SYT17: variants seen among roughly 807,000 people sequenced by gnomAD.
The protein encoded by SYT17 is synaptotagmin 17, also known as synaptotagmin-17.
A neutral mutation model predicts 46.7 loss-of-function variants in SYT17; 22 were observed. That is an observed-to-expected ratio of 0.47 (90% confidence interval 0.34 to 0.67). SYT17 has a LOEUF of 0.67. Ranked by LOEUF, SYT17 falls within the 30% of genes least tolerant of loss-of-function variation. The pLI, the probability that SYT17 is intolerant of heterozygous loss-of-function variation, is 0.01. For synonymous variants in SYT17, 251 were observed against 248.4 expected (o/e 1.01, Z -0.10); for missense variants, 519 against 612.8 (o/e 0.85, Z 1.62).
chr16:19,216,730 C>T (rs966528435), intron 5 of SYT17, among the ~76,000 whole-genome samples: 4 of 152,142 alleles, frequency 2.6e-5, no homozygotes, highest in Non-Finnish European at 5.9e-5. Flanking sequence ...TTTATGGCTG[C>T]ATAGTATTCC....
intron 5 of SYT17, among the ~76,000 whole-genome samples, chr16:19,200,619 C>T (rs1965423465): frequency 6.6e-6 from 1 of 152,226 alleles, no homozygotes; most frequent in Non-Finnish European, 1.5e-5. Context: ...CTTCATTTCT[C>T]TCCATTCGAG....
rs780470297 is a variant in SYT17, at chr16:19,168,708, C to T, written c.15+47C>T. The T allele has an allele frequency of 2.1e-6, 3 of 1,437,992 alleles. No homozygotes were observed. Among genetic ancestry groups the T allele is most frequent in the Non-Finnish European group, 2.7e-6 (3 of 1,091,246 alleles). 89.1% of individuals were successfully genotyped at this position (1,437,992 alleles called of 1,614,324 possible). A position where few individuals can be genotyped will look rare whatever the true frequency, so the allele number is the denominator to read the frequency against. On this transcript the variant is annotated intron_variant, in intron 1 of 7. Coordinates refer to ENST00000355377, the MANE Select transcript of SYT17 (RefSeq NM_016524.4). The surrounding 1 kb of genome is among the most constrained non-coding windows in gnomAD (Gnocchi z 6.9). ...AGGTCCGGGGTGCGGGTAGGGGGTG[C>T]CGCGCCCCCTCCGGCTGGGAGCGCG...
intron 7 of SYT17, among the ~76,000 whole-genome samples, chr16:19,253,220 G>A (rs12447810): frequency 0.1 from 15,750 of 152,098 alleles, 1,761 homozygotes; most frequent in East Asian, 0.35. Flanking sequence ...GGCCATAGGT[G>A]GCCCTCAAAG....
intron 3 of SYT17, among the ~76,000 whole-genome samples, chr16:19,179,667 C>T (rs912281186): frequency 1.1e-4 from 16 of 152,266 alleles, no homozygotes; most frequent in Non-Finnish European, 1.9e-4. Flanking sequence ...AATGGAGGTA[C>T]GGGAGGGGAA....
chr16:19,267,141 C>A lies in SYT17; in HGVS notation c.*65C>A. On this transcript the variant is annotated 3_prime_UTR_variant, in exon 8 of 8. Transcript: ENST00000355377. ...AAAAAAAAGACGGAAAAAAATGTGT[C>A]ACATACTATTACATCCACACCTGCA... The A allele has an allele frequency of 1.4e-6, 2 of 1,407,860 alleles. No individual in the cohort carries two copies. The highest frequency in any genetic ancestry group is 2.9e-5 in the South Asian group (2 of 70,170). The allele number at this position is 1,407,860 out of a possible 1,614,324, so 87.2% of individuals were successfully genotyped here.
At chr16:19,192,837 T>TA (rs1965080174) in intron 5 of SYT17, among the ~76,000 whole-genome samples, 1 of 152,174 alleles carries the variant, frequency 6.6e-6, no homozygotes, top group South Asian at 2.1e-4. Flanking sequence ...ATGGTTCTCT[T>TA]ACTTTAACAA....
Position 19,268,194 on chromosome 16 carries a change from T to G in SYT17, c.*1118T>G, listed in dbSNP as rs1418866200. The G allele has an allele frequency of 2.6e-5, 3 of 116,938 alleles. No individual in the cohort carries two copies. The Admixed American group carries it at 2.9e-4, about 11-fold the overall frequency. The allele number at this position is 116,938 out of a possible 1,614,324, so 7.2% of individuals were successfully genotyped here. A position where few individuals can be genotyped will look rare whatever the true frequency, so the allele number is the denominator to read the frequency against. On this transcript the variant is annotated 3_prime_UTR_variant, in exon 8 of 8. Transcript: ENST00000355377. ...TGCTAAGGAATTAGTGTAGTTAGAA[T>G]AGATCTCTCTCTCTCTCTCTTTCTC...
intron 1 of SYT17, chr16:19,172,308 G>C: frequency 7.6e-7 from 1 of 1,310,090 alleles, no homozygotes; most frequent in Non-Finnish European, 9.6e-7. Flanking sequence ...AGGGCCTCCG[G>C]GAGGGCGGGG....
chr16:19,250,056 G>A (rs1308551641), intron 7 of SYT17: 19 of 1,534,112 alleles, frequency 1.2e-5, no homozygotes, highest in Non-Finnish European at 1.7e-5. Flanking sequence ...AGCAAGTAAA[G>A]GCAATAAAAG....
Position 19,183,932 on chromosome 16 carries a change from G to A in SYT17, c.736G>A (p.Gly246Arg), listed in dbSNP as rs144009523. 50 of 1,614,064 alleles carry A rather than the reference G, an allele frequency of 3.1e-5. No individual in the cohort carries two copies. The highest frequency in any genetic ancestry group is 4.0e-5 in the Non-Finnish European group (47 of 1,180,044). The part of the protein sequence containing the change: ...LPDQKNSKQT[G>R]VKRKTQKPVF... ...AGACCAGAAGAACTCAAAGCAGACC[G>A]GGGTCAAACGCAAGACCCAGAAGCC... The change falls in exon 5 of 8, where the codon GGG becomes AGG. Residue 246 changes from glycine (G) to arginine (R), a missense_variant. Physicochemically the swap from Gly to Arg is moderately radical, Grantham distance 125. Transcript: ENST00000355377. This position sits in a 1 kb window ranked among gnomAD's most constrained non-coding sequence, Gnocchi z 5.6.
chr16:19,243,630 C>T (rs1967298186), intron 7 of SYT17, among the ~76,000 whole-genome samples: 1 of 151,840 alleles, frequency 6.6e-6, no homozygotes, highest in Non-Finnish European at 1.5e-5. Flanking sequence ...ACCAGCCTGA[C>T]CAACCTGGAG....
intron 7 of SYT17, among the ~76,000 whole-genome samples, chr16:19,264,233 G>A (rs1317199626): frequency 6.6e-6 from 1 of 152,202 alleles, no homozygotes; most frequent in Non-Finnish European, 1.5e-5. Flanking sequence ...ATGGCATTTT[G>A]TTACAGCGGC....
At chr16:19,197,447 TTA>T (rs3038776) in intron 5 of SYT17, among the ~76,000 whole-genome samples, 35 of 98,690 alleles carry the variant, frequency 3.5e-4, no homozygotes, top group Non-Finnish European at 6.8e-4. Context: ...TGTTTGTTTG[TTA>T]TTATTATTAT....
intron 5 of SYT17, among the ~76,000 whole-genome samples, chr16:19,214,360 T>A (rs569452868): frequency 6.6e-6 from 1 of 151,840 alleles, no homozygotes; most frequent in African/African-American, 2.4e-5. Flanking sequence ...TTAGAGACCA[T>A]GTGTTGCTCT....
At chr16:19,182,698 T>C (rs1964605612) in intron 4 of SYT17, among the ~76,000 whole-genome samples, 1 of 152,230 alleles carries the variant, frequency 6.6e-6, no homozygotes, top group African/African-American at 2.4e-5. Flanking sequence ...AGCTCATTGC[T>C]AGAAGAGAGG....
At chr16:19,208,811 A>G (rs973162391) in intron 5 of SYT17, among the ~76,000 whole-genome samples, 7 of 150,366 alleles carry the variant, frequency 4.7e-5, no homozygotes, top group Non-Finnish European at 1.0e-4. Context: ...TCATCAGGAC[A>G]TCAGTCATTG....
intron 5 of SYT17, among the ~76,000 whole-genome samples, chr16:19,184,396 G>GTT (rs373284896): frequency 1.9e-4 from 27 of 142,858 alleles, no homozygotes; most frequent in Admixed American, 7.7e-4. Flanking sequence ...GATTTCAGTA[G>GTT]TTTTTTTTTT....
intron 4 of SYT17, among the ~76,000 whole-genome samples, chr16:19,182,871 C>A (rs1226481369): frequency 2.0e-5 from 3 of 152,252 alleles, no homozygotes; most frequent in Non-Finnish European, 2.9e-5. Context: ...CTGTGCCATG[C>A]TCTTTTCATG....
intron 7 of SYT17, among the ~76,000 whole-genome samples, chr16:19,231,063 A>G (rs1046280447): frequency 3.9e-5 from 6 of 152,194 alleles, no homozygotes; most frequent in African/African-American, 9.7e-5. Flanking sequence ...AAACCCAAAG[A>G]GGGAAGGAAA....
Sources: allele counts gnomAD v4.1 joint callset (sites outside exome capture counted in the v4.1 genomes callset), GRCh38; gene constraint gnomAD v4.1.1; non-coding constraint Gnocchi (gnomAD v3.1); transcripts MANE v1.5; gene names NCBI Gene and HGNC (gene_info 2026-07-23, HGNC 2026-07-21).